The following NRG3 variants were observed in gnomAD, a reference collection of about 807,000 sequenced individuals.
The protein encoded by NRG3 is neuregulin 3.
In NRG3, 31 loss-of-function variants were observed where a neutral mutation model predicts 66.9. That is an observed-to-expected ratio of 0.46 (90% CI 0.35 to 0.63). The LOEUF is 0.63. Among genes scored for constraint, NRG3 ranks in the 20% least tolerant of loss-of-function variants. The probability of loss-of-function intolerance (pLI) is 0.00; values close to 1 mark genes in which losing one functional copy is unlikely to be tolerated. For missense variants in NRG3, 910 were observed against 878.9 expected (o/e 1.04, Z -0.45); for synonymous variants, 393 against 359.4 (o/e 1.09, Z -1.06).
intron 1 of NRG3, among the ~76,000 whole-genome samples, chr10:82,224,581 C>G (rs1333467242): frequency 6.6e-6 from 1 of 152,094 alleles, no homozygotes; most frequent in African/African-American, 2.4e-5. Context: ...GTTGAATAAG[C>G]AAACAAATGG....
chr10:82,143,699 A>C (rs2069999580), intron 1 of NRG3, among the ~76,000 whole-genome samples: 1 of 152,184 alleles, frequency 6.6e-6, no homozygotes, highest in Non-Finnish European at 1.5e-5. Context: ...AATGTGATAA[A>C]TTATGTTTAC....
At chr10:82,082,149 T>G (rs1226263048) in intron 1 of NRG3, among the ~76,000 whole-genome samples, 1 of 152,230 alleles carries the variant, frequency 6.6e-6, no homozygotes, top group Non-Finnish European at 1.5e-5. Flanking sequence ...TTGGCCTAAC[T>G]GCTTATGTGT....
Position 82,335,396 on chromosome 10 carries a change from TA to T in NRG3, c.824-23342del, listed in dbSNP as rs201888617. On this transcript the variant is annotated intron_variant, in intron 1 of 8. Coordinates refer to ENST00000372141, the MANE Select transcript of NRG3 (RefSeq NM_001010848.4). ...CCTTTCCTACTAAACGAGGTAATGT[TA>T]TTTTCCTTCAGATTTAAGCCATTTG... Among the ~76,000 whole-genome samples the T allele has an allele frequency of 7.8e-3, 1,185 of 152,320 alleles. 13 individuals are homozygous for T. The highest frequency in any genetic ancestry group is 0.026 in the African/African-American group (1,096 of 41,562).
chr10:82,671,914 GTTCT>G (rs1171991446), intron 2 of NRG3, among the ~76,000 whole-genome samples: 1 of 151,976 alleles, frequency 6.6e-6, no homozygotes, highest in Non-Finnish European at 1.5e-5. Context: ...TGAGAACTTT[GTTCT>G]TTGGCTTCCC....
At chr10:82,837,931 C>G (rs1160432741) in intron 3 of NRG3, among the ~76,000 whole-genome samples, 1 of 152,076 alleles carries the variant, frequency 6.6e-6, no homozygotes, top group Non-Finnish European at 1.5e-5. Context: ...CCTGCATGTA[C>G]GCATTCTCAG....
chr10:82,370,590 C>T (rs1564847076), intron 2 of NRG3, among the ~76,000 whole-genome samples: 1 of 151,518 alleles, frequency 6.6e-6, no homozygotes, highest in African/African-American at 2.4e-5. Context: ...GCCAGGGAAC[C>T]ACCCTCTTCA....
At chr10:82,001,190 TAAGAG>T in intron 1 of NRG3, among the ~76,000 whole-genome samples, 1 of 119,664 alleles carries the variant, frequency 8.4e-6, no homozygotes, top group South Asian at 2.5e-4. Context: ...AAGGAAAGTG[TAAGAG>T]AAAAAAAAAA....
At chr10:82,146,514 G>A (rs149619550) in intron 1 of NRG3, among the ~76,000 whole-genome samples, 24 of 152,220 alleles carry the variant, frequency 1.6e-4, no homozygotes, top group African/African-American at 5.5e-4. Context: ...GTAACAAACC[G>A]TAAAGGCATG....
chr10:82,611,921 C>T (rs2048341651), intron 2 of NRG3, among the ~76,000 whole-genome samples: 1 of 152,196 alleles, frequency 6.6e-6, no homozygotes, highest in Non-Finnish European at 1.5e-5. Flanking sequence ...CACATCCTCT[C>T]CAGCATCTGT....
At chr10:82,522,617 A>G (rs1331046425) in intron 2 of NRG3, among the ~76,000 whole-genome samples, 1 of 152,156 alleles carries the variant, frequency 6.6e-6, no homozygotes, top group Non-Finnish European at 1.5e-5. Flanking sequence ...CACGTGCTCA[A>G]TACTTGGTTG....
At chr10:81,911,196 C>T (rs773871540) in intron 1 of NRG3, among the ~76,000 whole-genome samples, 4 of 152,178 alleles carry the variant, frequency 2.6e-5, no homozygotes, top group Admixed American at 6.5e-5. Flanking sequence ...AGAGGTATTT[C>T]GGCATTTGGC....
At chr10:82,923,954 T>C (rs1236028347) in intron 4 of NRG3, among the ~76,000 whole-genome samples, 1 of 151,474 alleles carries the variant, frequency 6.6e-6, no homozygotes, top group Non-Finnish European at 1.5e-5. Context: ...AAAAATTAGC[T>C]GGGCATGGTG....
At chr10:82,067,381 G>A (rs191749066) in intron 1 of NRG3, among the ~76,000 whole-genome samples, 1 of 152,016 alleles carries the variant, frequency 6.6e-6, no homozygotes, top group Admixed American at 6.6e-5. Flanking sequence ...TGCTTGCTTT[G>A]GAGACAGAGC....
Position 82,753,913 on chromosome 10 carries a change from C to T in NRG3, c.1027+15263C>T, listed in dbSNP as rs558917194. ...AGTGAGCCAAGATCATGCCTCTGCA[C>T]TCCAGCCTGGCAAAAGAGTGAGACT... On this transcript the variant is annotated intron_variant, in intron 3 of 8. Coordinates refer to ENST00000372141, the MANE Select transcript of NRG3 (RefSeq NM_001010848.4). 7.3e-5 allele frequency among the ~76,000 whole-genome samples: 11 copies of T among 150,178 alleles called. No individual in the cohort carries two copies. In the South Asian group the frequency reaches 2.1e-3, roughly 29 times the overall value.
intron 1 of NRG3, among the ~76,000 whole-genome samples, chr10:82,264,777 A>G (rs74695743): frequency 0.065 from 9,887 of 152,228 alleles, 550 homozygotes; most frequent in African/African-American, 0.15. Flanking sequence ...CAATCATGAC[A>G]AGTGCCACTG....
At chr10:82,676,197 C>T (rs2053671123) in intron 2 of NRG3, among the ~76,000 whole-genome samples, 1 of 152,184 alleles carries the variant, frequency 6.6e-6, no homozygotes, top group Non-Finnish European at 1.5e-5. Context: ...CCCAGCCCTT[C>T]TGTTCACATG....
At chr10:82,034,412 G>A (rs1012886731) in intron 1 of NRG3, among the ~76,000 whole-genome samples, 2 of 152,128 alleles carry the variant, frequency 1.3e-5, no homozygotes, top group Admixed American at 6.6e-5. Flanking sequence ...AAGGTAGAGG[G>A]TGGTAGAGAG....
chr10:82,906,104 G>A (rs1011012662), intron 4 of NRG3, among the ~76,000 whole-genome samples: 1 of 152,154 alleles, frequency 6.6e-6, no homozygotes. Context: ...TCAGCATACT[G>A]CTCTAGAACT....
At position 82,574,663 on chromosome 10, in the gene NRG3, A is replaced by T. The variant is rs548179706; in HGVS notation, c.954-163914A>T. Among the ~76,000 whole-genome samples, 3 of 151,934 alleles carry T rather than the reference A, an allele frequency of 2.0e-5. No individual in the cohort carries two copies. The South Asian group carries it at 6.2e-4, about 31-fold the overall frequency. On this transcript the variant is annotated intron_variant, in intron 2 of 8. Coordinates refer to ENST00000372141, the MANE Select transcript of NRG3 (RefSeq NM_001010848.4). ...AAGTACCTCATAAATGTTTATAATT[A>T]TGTATCAATTAAAAAAGAAAATGTG...
Sources: gnomAD v4.1 joint callset for allele counts (sites outside exome capture counted in the v4.1 genomes callset) on GRCh38, gnomAD v4.1.1 for gene constraint, MANE v1.5 for transcripts, NCBI Gene and HGNC (gene_info 2026-07-23, HGNC 2026-07-21) for gene names.